Variants in SLMAP observed in about 807,000 individuals in gnomAD.
The protein encoded by SLMAP is sarcolemmal membrane-associated protein.
Under a neutral mutation model 128.8 loss-of-function variants are expected in SLMAP, and 44 were observed. The ratio of observed to expected loss-of-function variants is 0.34; its 90% CI spans 0.27 to 0.44. The LOEUF (loss-of-function observed/expected upper bound fraction) is 0.44. SLMAP is among the 20% of genes least tolerant of loss of function. The pLI, the probability that SLMAP is intolerant of heterozygous loss-of-function variation, is 1.00. For synonymous variants in SLMAP, 327 were observed against 348.8 expected, an observed-to-expected ratio of 0.94 and a Z score of 0.70; for missense variants, 787 against 985.3, an observed-to-expected ratio of 0.80 and a Z score of 2.69.
At chr3:57,861,914 A>G in intron 9 of SLMAP, 35 bp from the exon 10 acceptor site, 1 of 1,567,416 alleles carries the variant, frequency 6.4e-7, no homozygotes, top group Non-Finnish European at 8.8e-7. Flanking sequence ...ATATACACTT[A>G]TTCTAATTAA....
chr3:57,897,387 AT>A, intron 17 of SLMAP: 1 of 161,746 alleles, frequency 6.2e-6, no homozygotes, highest in Non-Finnish European at 1.3e-5. Flanking sequence ...TCTTCTAGAA[AT>A]TTTGGGCTAA....
intron 3 of SLMAP, among the ~76,000 whole-genome samples, chr3:57,837,988 G>C (rs1407626669): frequency 2.0e-5 from 3 of 152,128 alleles, no homozygotes; most frequent in African/African-American, 4.8e-5. Context: ...CAGCAACTCT[G>C]TACTGCCCAG....
intron 2 of SLMAP, among the ~76,000 whole-genome samples, chr3:57,771,522 C>A (rs1160780526): frequency 1.3e-5 from 2 of 152,120 alleles, no homozygotes; most frequent in East Asian, 3.9e-4. Context: ...TGAGCCACTG[C>A]ACCTGGCCTT....
At chr3:57,837,265 G>A (rs1320925413) in intron 3 of SLMAP, among the ~76,000 whole-genome samples, 2 of 152,198 alleles carry the variant, frequency 1.3e-5, no homozygotes, top group African/African-American at 4.8e-5. Flanking sequence ...TGCAACTATA[G>A]GAAGTGTGTC....
At position 57,896,462 on chromosome 3, in the gene SLMAP, T is replaced by C. The variant is rs139779533; in HGVS notation, c.1361-49T>C. ...ATAGCCTGAAGCAGTTTTATTGATA[T>C]AAGATATTTAACTGTAATAAGATTT... On this transcript the variant is annotated intron_variant, in intron 15 of 24. Coordinates refer to ENST00000671191, the MANE Select transcript of SLMAP (RefSeq NM_001377540.1). 382 of 1,524,812 alleles carry C rather than the reference T, an allele frequency of 2.5e-4. 2 individuals carry two copies. The East Asian group carries it at 5.5e-3, about 22-fold the overall frequency. The allele number at this position is 1,524,812 out of a possible 1,614,324, so 94.5% of individuals were successfully genotyped here.
chr3:57,905,863 C>T (rs897560849), intron 17 of SLMAP, among the ~76,000 whole-genome samples: 8 of 151,964 alleles, frequency 5.3e-5, no homozygotes, highest in African/African-American at 1.9e-4. Context: ...TACCAAACAT[C>T]CTACAATTCA....
intron 2 of SLMAP, among the ~76,000 whole-genome samples, chr3:57,795,099 G>T (rs1230595037): frequency 5.9e-5 from 9 of 152,178 alleles, no homozygotes; most frequent in Non-Finnish European, 1.2e-4. Context: ...CATCAGGTGG[G>T]TAGGAAATGG....
intron 9 of SLMAP, 26 bp from the exon 10 acceptor site, chr3:57,861,923 A>G (rs746558916): frequency 1.3e-5 from 21 of 1,590,872 alleles, no homozygotes; most frequent in Non-Finnish European, 1.7e-5. Flanking sequence ...TATTCTAATT[A>G]AATTGCCTGT....
intron 23 of SLMAP, among the ~76,000 whole-genome samples, chr3:57,925,215 A>G (rs2096983872): frequency 6.6e-6 from 1 of 152,028 alleles, no homozygotes; most frequent in South Asian, 2.1e-4. Context: ...TCAGCTTGCC[A>G]AAGTGCTGGG....
chr3:57,760,012 T>C (rs1404734985), intron 2 of SLMAP, among the ~76,000 whole-genome samples: 1 of 152,198 alleles, frequency 6.6e-6, no homozygotes, highest in Admixed American at 6.5e-5. Flanking sequence ...CAACCTCAGC[T>C]CACTGCAACG....
chr3:57,916,404 A>C (rs1246988080), intron 21 of SLMAP, among the ~76,000 whole-genome samples: 1 of 152,070 alleles, frequency 6.6e-6, no homozygotes, highest in Non-Finnish European at 1.5e-5. Context: ...GGGGTCTAGA[A>C]CTCAGCCTCC....
chr3:57,843,857 T>C (rs1296109209), intron 4 of SLMAP, among the ~76,000 whole-genome samples: 4 of 139,090 alleles, frequency 2.9e-5, no homozygotes, highest in Non-Finnish European at 6.1e-5. Context: ...TTCGGTTCAC[T>C]GCAGCCTCCA....
At chr3:57,888,434 T>C (rs145575232) in intron 14 of SLMAP, among the ~76,000 whole-genome samples, 1,925 of 152,060 alleles carry the variant, frequency 0.013, 28 homozygotes, top group African/African-American at 0.044. Context: ...CTGGCCAACA[T>C]GGTGAAACCC....
intron 22 of SLMAP, among the ~76,000 whole-genome samples, chr3:57,919,504 G>A (rs546585485): frequency 6.6e-6 from 1 of 152,094 alleles, no homozygotes; most frequent in African/African-American, 2.4e-5. Flanking sequence ...TGTAATTTAA[G>A]AATTTATAGG....
intron 14 of SLMAP, among the ~76,000 whole-genome samples, chr3:57,888,948 C>T (rs1470856067): frequency 6.6e-6 from 1 of 151,692 alleles, no homozygotes; most frequent in Non-Finnish European, 1.5e-5. Flanking sequence ...ACAGTGGCGC[C>T]ATCTCTGCTC....
chr3:57,881,085 T>C (rs1414548848), intron 14 of SLMAP, among the ~76,000 whole-genome samples: 2 of 151,574 alleles, frequency 1.3e-5, no homozygotes, highest in African/African-American at 2.4e-5. Context: ...TCCCAGCTAC[T>C]CAGGAGGCTG....
Position 57,871,738 on chromosome 3 carries a change from CAG to C in SLMAP, c.1300+41_1300+42del, listed in dbSNP as rs1315067187. The C allele has an allele frequency of 2.0e-6, 3 of 1,486,324 alleles. No homozygotes were observed. In the African/African-American group the frequency reaches 4.2e-5, roughly 21 times the overall value. The allele number at this position is 1,486,324 out of a possible 1,614,324, so 92.1% of individuals were successfully genotyped here. Reference sequence around the variant, plus strand: ...TTTTTCACATTGATTTTAATGAAGTCAGGGGCTAAAACTTAAAAGTGAGAGGT... The same window carrying C: ...TTTTTCACATTGATTTTAATGAAGTCGGGCTAAAACTTAAAAGTGAGAGGT... On this transcript the variant is annotated intron_variant, in intron 14 of 24. Coordinates refer to ENST00000671191, the MANE Select transcript of SLMAP (RefSeq NM_001377540.1).
At chr3:57,774,213 G>A (rs192879656) in intron 2 of SLMAP, among the ~76,000 whole-genome samples, 1 of 152,274 alleles carries the variant, frequency 6.6e-6, no homozygotes, top group Admixed American at 6.5e-5. Flanking sequence ...TTTAAGATGA[G>A]CAGCAGTTAA....
In SLMAP at chr3:57,757,643, C is replaced by G; in HGVS notation, c.-9C>G. 2 of 1,613,754 alleles carry G rather than the reference C, an allele frequency of 1.2e-6. No individual in the cohort carries two copies. Among genetic ancestry groups the G allele is most frequent in the Non-Finnish European group, 1.7e-6 (2 of 1,179,914 alleles). ...CCCTGGTAGGAGAGACACCCCCAGT[C>G]TATCCTCGATGCCGTCAGCCTTGGC... On this transcript the variant is annotated 5_prime_UTR_variant, in exon 2 of 25. Transcript: ENST00000671191.
Sources: gnomAD v4.1 joint callset for allele counts (sites outside exome capture counted in the v4.1 genomes callset) on GRCh38, gnomAD v4.1.1 for gene constraint, MANE v1.5 for transcripts, NCBI Gene and HGNC (gene_info 2026-07-23, HGNC 2026-07-21) for gene names.